MTA3: variants seen among roughly 807,000 people sequenced by gnomAD.
MTA3 encodes metastasis-associated protein MTA3.
In MTA3, 34 loss-of-function variants were observed where a neutral mutation model predicts 83.5. That is an observed-to-expected ratio of 0.41 (90% CI 0.31 to 0.54). The LOEUF (loss-of-function observed/expected upper bound fraction) is 0.54. Among genes scored for constraint, MTA3 ranks in the 20% least tolerant of loss-of-function variants. The pLI, the probability that MTA3 is intolerant of heterozygous loss-of-function variation, is 0.33. For synonymous variants in MTA3, 303 were observed against 252.7 expected (o/e 1.20, Z -1.89); for missense variants, 761 against 726.4 (o/e 1.05, Z -0.55).
intron 2 of MTA3, among the ~76,000 whole-genome samples, chr2:42,507,433 G>A (rs1674685450): frequency 1.3e-5 from 2 of 151,920 alleles, no homozygotes; most frequent in African/African-American, 4.8e-5. Flanking sequence ...CCAAAGTGTT[G>A]GGATTACAGG....
intron 2 of MTA3, among the ~76,000 whole-genome samples, chr2:42,539,741 C>G (rs1447922382): frequency 6.6e-6 from 1 of 151,802 alleles, no homozygotes; most frequent in African/African-American, 2.4e-5. Flanking sequence ...GCCACCATGC[C>G]CAGCTAATTT....
chr2:42,555,486 C>T (rs1236075306), intron 2 of MTA3, among the ~76,000 whole-genome samples: 3 of 134,436 alleles, frequency 2.2e-5, no homozygotes, highest in East Asian at 2.2e-4. Context: ...AAGAGCCGGG[C>T]GCAGTGGCTC....
At chr2:42,627,942 C>T (rs956417301) in intron 4 of MTA3, among the ~76,000 whole-genome samples, 13 of 151,000 alleles carry the variant, frequency 8.6e-5, no homozygotes, top group East Asian at 5.9e-4. Flanking sequence ...TGGAGTGCAG[C>T]GGCGCCATCT....
intron 8 of MTA3, among the ~76,000 whole-genome samples, chr2:42,667,748 C>T (rs897616417): frequency 1.3e-5 from 2 of 152,000 alleles, no homozygotes; most frequent in African/African-American, 4.8e-5. Context: ...GATCCTCCTA[C>T]TTGAGCCTAC....
At chr2:42,595,761 T>C (rs923881760) in intron 3 of MTA3, among the ~76,000 whole-genome samples, 1 of 152,342 alleles carries the variant, frequency 6.6e-6, no homozygotes, top group Non-Finnish European at 1.5e-5. Flanking sequence ...AAAATTATTA[T>C]TGTAACTTTT....
intron 2 of MTA3, among the ~76,000 whole-genome samples, chr2:42,518,228 G>C (rs1402893277): frequency 6.6e-6 from 1 of 152,040 alleles, no homozygotes; most frequent in Non-Finnish European, 1.5e-5. Flanking sequence ...CATGCACTAA[G>C]CACCCATATC....
intron 12 of MTA3, among the ~76,000 whole-genome samples, chr2:42,707,183 G>A (rs990074344): frequency 1.4e-4 from 22 of 151,730 alleles, no homozygotes; most frequent in Non-Finnish European, 2.6e-4. Context: ...ACCTCCCTGA[G>A]TACCTTAAAT....
chr2:42,720,023 A>T (rs982728443), intron 15 of MTA3, among the ~76,000 whole-genome samples: 1 of 152,180 alleles, frequency 6.6e-6, no homozygotes, highest in Admixed American at 6.5e-5. Flanking sequence ...CAGACTGCAG[A>T]CATCAACTCT....
chr2:42,654,328 G>C (rs908571844), intron 6 of MTA3, among the ~76,000 whole-genome samples: 1 of 152,144 alleles, frequency 6.6e-6, no homozygotes, highest in African/African-American at 2.4e-5. Flanking sequence ...CATAGCCTGG[G>C]TTTGTCAGTC....
At chr2:42,622,332 T>C (rs1460136342) in intron 4 of MTA3, among the ~76,000 whole-genome samples, 1 of 149,422 alleles carries the variant, frequency 6.7e-6, no homozygotes, top group Non-Finnish European at 1.5e-5. Context: ...GACAGGGAGG[T>C]TGCAGTGAGC....
At chr2:42,666,105 G>A (rs909522280) in intron 8 of MTA3, among the ~76,000 whole-genome samples, 5 of 152,134 alleles carry the variant, frequency 3.3e-5, no homozygotes, top group East Asian at 3.9e-4. Flanking sequence ...GTGAAACCCC[G>A]TCTCTACTAA....
chr2:42,520,979 C>G (rs1675403315), intron 2 of MTA3, among the ~76,000 whole-genome samples: 1 of 152,174 alleles, frequency 6.6e-6, no homozygotes, highest in Non-Finnish European at 1.5e-5. Context: ...TTAGAACTAA[C>G]AAATGGCAAA....
intron 8 of MTA3, among the ~76,000 whole-genome samples, chr2:42,664,871 A>G (rs924006164): frequency 2.6e-5 from 4 of 152,148 alleles, no homozygotes; most frequent in African/African-American, 9.6e-5. Flanking sequence ...AATTTATGCT[A>G]CTTGTCAAAT....
In MTA3 at chr2:42,695,778, C is replaced by G; in HGVS notation, c.905C>G (p.Ser302Ter). ...TTTTTTTTTCAGCTTCCTTGGAAATCATTGACTAGCATCATTGAATATTAT... is the reference window on the plus strand; with the variant it reads ...TTTTTTTTTCAGCTTCCTTGGAAATGATTGACTAGCATCATTGAATATTAT... ...DIRQDFLPWK[S>*]LTSIIEYYYM... The change falls in exon 10 of 17, where the codon TCA (serine) becomes TGA (stop). Residue 302 changes from serine to a stop codon, truncating the protein, a stop_gained. Transcript: ENST00000405094. LOFTEE classifies it high-confidence loss of function. 6.6e-7 allele frequency: 1 copy of G among 1,521,538 alleles called. No homozygotes were observed. 94.3% of individuals were successfully genotyped at this position (1,521,538 alleles called of 1,614,324 possible). A position where few individuals can be genotyped will look rare whatever the true frequency, so the allele number is the denominator to read the frequency against.
Position 42,755,798 on chromosome 2 carries a change from T to A in MTA3, c.*2399T>A. On this transcript the variant is annotated 3_prime_UTR_variant, in exon 17 of 17. Coordinates refer to ENST00000405094, the MANE Select transcript of MTA3 (RefSeq NM_001330442.2). ...GGTTCAGTGAGCACATGGGTGGACG[T>A]GCAGAGACTGTCTGCGCAGCCCCCA... is the stretch of plus-strand genomic sequence containing the variant. 1.0e-6 allele frequency: 1 copy of A among 985,498 alleles called. No individual in the cohort carries two copies. Among genetic ancestry groups the A allele is most frequent in the African/African-American group, 1.7e-5 (1 of 57,358 alleles). 61.0% of individuals were successfully genotyped at this position (985,498 alleles called of 1,614,324 possible). A position where few individuals can be genotyped will look rare whatever the true frequency, so the allele number is the denominator to read the frequency against.
At chr2:42,678,717 G>A (rs1046274602) in intron 8 of MTA3, among the ~76,000 whole-genome samples, 10 of 152,088 alleles carry the variant, frequency 6.6e-5, no homozygotes, top group Non-Finnish European at 1.3e-4. Flanking sequence ...AAATACTGCC[G>A]TTACTCGGTG....
chr2:42,754,013 C>T lies in MTA3; in HGVS notation c.*614C>T, dbSNP rs534660882. 8.1e-5 allele frequency: 80 copies of T among 985,334 alleles called. 1 individual carries two copies. Among genetic ancestry groups the T allele is most frequent in the South Asian group, 4.7e-5 (1 of 21,320 alleles). 61.0% of individuals were successfully genotyped at this position (985,334 alleles called of 1,614,324 possible). A position where few individuals can be genotyped will look rare whatever the true frequency, so the allele number is the denominator to read the frequency against. On this transcript the variant is annotated 3_prime_UTR_variant, in exon 17 of 17. Transcript: ENST00000405094. ...GCATTCCTATATGTGACCCTCCCTC[C>T]TACTCCTCCAAGGAACAGAATTACC...
At chr2:42,708,826 T>A in intron 13 of MTA3, 48 bp from the exon 14 acceptor site, 1 of 1,601,296 alleles carries the variant, frequency 6.2e-7, no homozygotes, top group Non-Finnish European at 8.5e-7. Context: ...AGTAACGTGT[T>A]TGGGCAAGTT....
chr2:42,520,745 T>C (rs1044195770), intron 2 of MTA3, among the ~76,000 whole-genome samples: 1 of 152,056 alleles, frequency 6.6e-6, no homozygotes, highest in Non-Finnish European at 1.5e-5. Context: ...TTTGTATTTT[T>C]TGTAGAGACA....
Sources: allele counts gnomAD v4.1 joint callset (sites outside exome capture counted in the v4.1 genomes callset), GRCh38; gene constraint gnomAD v4.1.1; transcripts MANE v1.5; gene names NCBI Gene and HGNC (gene_info 2026-07-23, HGNC 2026-07-21).